TINAG: variants seen among roughly 807,000 people sequenced by gnomAD.
TINAG encodes tubulointerstitial nephritis antigen.
Under a neutral mutation model 72.7 loss-of-function variants are expected in TINAG, and 83 were observed. That is an observed-to-expected ratio of 1.14 (90% CI 0.96 to 1.37). TINAG has a LOEUF of 1.37. TINAG is among the 40% of genes most tolerant of loss of function. The probability of loss-of-function intolerance (pLI) is 0.00; values close to 1 mark genes in which losing one functional copy is unlikely to be tolerated. For synonymous variants in TINAG, 234 were observed against 189.9 expected (o/e 1.23, Z -1.91); for missense variants, 685 against 576.6 (o/e 1.19, Z -1.93).
intron 8 of TINAG, among the ~76,000 whole-genome samples, chr6:54,351,786 T>A (rs1335887326): frequency 6.6e-6 from 1 of 151,908 alleles, no homozygotes; most frequent in African/African-American, 2.4e-5. Flanking sequence ...AGTTTTCTTA[T>A]CTTCAGTTTA....
rs111988987 is a variant in TINAG at position 54,357,165 on chromosome 6, C to G, written c.1250+2529C>G. Among the ~76,000 whole-genome samples, 18 of 152,046 alleles carry G rather than the reference C, an allele frequency of 1.2e-4. 2 individuals are homozygous for G. The highest frequency in any genetic ancestry group is 4.3e-4 in the African/African-American group (18 of 41,550). ...GTCAGATCCCAGACCTGCCCATCCT[C>G]TTCATCTGATTTTTTTCTTTTTGGC... On this transcript the variant is annotated intron_variant, in intron 9 of 10. Transcript: ENST00000259782.
At chr6:54,352,948 T>C (rs1785300920) in intron 8 of TINAG, among the ~76,000 whole-genome samples, 1 of 151,824 alleles carries the variant, frequency 6.6e-6, no homozygotes, top group African/African-American at 2.4e-5. Flanking sequence ...AAAGATTTCT[T>C]GAGAACCTGC....
chr6:54,372,719 AATAC>A (rs1417457608), intron 9 of TINAG, among the ~76,000 whole-genome samples: 1 of 131,936 alleles, frequency 7.6e-6, no homozygotes, highest in Non-Finnish European at 1.6e-5. Flanking sequence ...ATATTATATA[AATAC>A]ATACATATAT....
At chr6:54,370,746 G>T (rs1763577875) in intron 9 of TINAG, among the ~76,000 whole-genome samples, 1 of 151,998 alleles carries the variant, frequency 6.6e-6, no homozygotes, top group South Asian at 2.1e-4. Context: ...GAGGGCCCTG[G>T]GGATGTTGAA....
chr6:54,331,599 T>C (rs1784743505), intron 4 of TINAG, among the ~76,000 whole-genome samples: 1 of 152,172 alleles, frequency 6.6e-6, no homozygotes. Flanking sequence ...GTATTGGAAG[T>C]TCTGGCCAGG....
intron 9 of TINAG, among the ~76,000 whole-genome samples, chr6:54,355,047 G>T (rs1047569829): frequency 1.1e-4 from 17 of 151,780 alleles, no homozygotes; most frequent in South Asian, 2.1e-4. Flanking sequence ...TCAATATAAG[G>T]TTACTTTATA....
chr6:54,371,110 CTGTGTG>C lies in TINAG; in HGVS notation c.1251-9392_1251-9387del, dbSNP rs70983416. Among the ~76,000 whole-genome samples the C allele has an allele frequency of 1.5e-3, 219 of 149,078 alleles. 2 individuals are homozygous for C. The highest frequency in any genetic ancestry group is 4.4e-3 in the African/African-American group (179 of 40,596). ...TCCAAAAAAATGTCACTTACGAAAA[CTGTGTG>C]TGTGTGTGTGTGTGTGTGTGTGTCA... On this transcript the variant is annotated intron_variant, in intron 9 of 10. Coordinates refer to ENST00000259782, the MANE Select transcript of TINAG (RefSeq NM_014464.4).
At chr6:54,361,318 T>G (rs1212168383) in intron 9 of TINAG, among the ~76,000 whole-genome samples, 1 of 151,690 alleles carries the variant, frequency 6.6e-6, no homozygotes, top group African/African-American at 2.4e-5. Context: ...GGGTAGTTTA[T>G]AAATAACAGA....
At chr6:54,360,839 G>GTTTTTTTTTTTTTTTTTTTTTTTTTT (rs773926586) in intron 9 of TINAG, among the ~76,000 whole-genome samples, 1 of 16,924 alleles carries the variant, frequency 5.9e-5, no homozygotes, top group East Asian at 2.3e-3. Flanking sequence ...CACAGATACT[G>GTTTTTTTTTTTTTTTTTTTTTTTTTT]TGTTTTTTTT....
chr6:54,379,983 T>C (rs1285356406), intron 9 of TINAG, among the ~76,000 whole-genome samples: 1 of 151,990 alleles, frequency 6.6e-6, no homozygotes, highest in Non-Finnish European at 1.5e-5. Context: ...CCTGTGCCCA[T>C]GTGTTCTCAT....
intron 1 of TINAG, among the ~76,000 whole-genome samples, chr6:54,319,560 A>C (rs554790839): frequency 1.3e-5 from 2 of 152,312 alleles, no homozygotes; most frequent in South Asian, 4.1e-4. Flanking sequence ...ACTGTGAAAC[A>C]TCCAGGGGAG....
intron 1 of TINAG, among the ~76,000 whole-genome samples, chr6:54,320,362 A>C (rs1448707354): frequency 6.6e-6 from 1 of 152,174 alleles, no homozygotes; most frequent in Non-Finnish European, 1.5e-5. Context: ...CTGTTGGAAC[A>C]TAATATGCAG....
chr6:54,357,683 T>G (rs1763096565), intron 9 of TINAG, among the ~76,000 whole-genome samples: 1 of 151,932 alleles, frequency 6.6e-6, no homozygotes, highest in Non-Finnish European at 1.5e-5. Context: ...TATCCAGAAC[T>G]CAACCACTGT....
intron 5 of TINAG, among the ~76,000 whole-genome samples, chr6:54,346,462 T>C (rs901419378): frequency 6.6e-6 from 1 of 151,624 alleles, no homozygotes; most frequent in Non-Finnish European, 1.5e-5. Context: ...AATATGATAG[T>C]CATAAATATA....
chr6:54,312,756 C>G (rs899769150), intron 1 of TINAG, among the ~76,000 whole-genome samples: 1 of 152,164 alleles, frequency 6.6e-6, no homozygotes, highest in African/African-American at 2.4e-5. Flanking sequence ...TGTTTAGCTA[C>G]TCTTGAAAAA....
intron 10 of TINAG, among the ~76,000 whole-genome samples, chr6:54,383,068 T>C (rs1763996896): frequency 6.6e-6 from 1 of 152,144 alleles, no homozygotes; most frequent in Non-Finnish European, 1.5e-5. Context: ...ATTTAGGACC[T>C]TGTCTCTGCT....
chr6:54,341,404 T>C (rs1784993070), intron 4 of TINAG, among the ~76,000 whole-genome samples: 1 of 152,168 alleles, frequency 6.6e-6, no homozygotes, highest in Non-Finnish European at 1.5e-5. Flanking sequence ...CTTAGTTTTC[T>C]ATGATACCAT....
chr6:54,322,871 T>A (rs1243418253), intron 3 of TINAG, among the ~76,000 whole-genome samples: 3 of 152,222 alleles, frequency 2.0e-5, no homozygotes, highest in Admixed American at 2.0e-4. Flanking sequence ...AGAGTATATG[T>A]CATCTTGAGA....
intron 5 of TINAG, among the ~76,000 whole-genome samples, chr6:54,344,774 C>A (rs762898020): frequency 6.6e-6 from 1 of 152,042 alleles, no homozygotes; most frequent in Non-Finnish European, 1.5e-5. Context: ...TCACGGAACA[C>A]CAGAGAGAGG....
Sources: allele counts gnomAD v4.1 joint callset (sites outside exome capture counted in the v4.1 genomes callset), GRCh38; gene constraint gnomAD v4.1.1; transcripts MANE v1.5; gene names NCBI Gene and HGNC (gene_info 2026-07-23, HGNC 2026-07-21).